MASP1: variants seen among roughly 807,000 people sequenced by gnomAD.
The protein encoded by MASP1 is mannan-binding lectin serine protease 1.
A neutral mutation model predicts 77.1 loss-of-function variants in MASP1; 59 were observed. The ratio of observed to expected loss-of-function variants is 0.77; its 90% CI spans 0.62 to 0.95. MASP1 has a LOEUF of 0.95. Among genes scored for constraint, MASP1 ranks in the 40% least tolerant of loss-of-function variants. The pLI, the probability that MASP1 is intolerant of heterozygous loss-of-function variation, is 0.00. For synonymous variants in MASP1, 362 were observed against 354.5 expected, an observed-to-expected ratio of 1.02 and a Z score of -0.24; for missense variants, 885 against 912.9, an observed-to-expected ratio of 0.97 and a Z score of 0.39.
chr3:187,225,394 C>A lies in MASP1; in HGVS notation c.1671G>T (p.Glu557Asp), dbSNP rs775715901. The A allele has an allele frequency of 1.9e-6, 3 of 1,614,018 alleles. No individual in the cohort carries two copies. The highest frequency in any genetic ancestry group is 1.7e-4 in the Middle Eastern group (1 of 6,020). ...CATTCAGCACTGGGCTCTCCAACAG[C>A]TCCACCAGAGCCACGTCATTCTCGA... Residue 557 changes from glutamate to aspartate, a missense_variant, in exon 13 of 16, where the codon GAG becomes GAT. Glu to Asp is a conservative substitution (Grantham distance 45, BLOSUM62 2). Transcript: ENST00000337774.
chr3:187,283,723 C>G (rs1717615724), intron 2 of MASP1, among the ~76,000 whole-genome samples: 1 of 152,210 alleles, frequency 6.6e-6, no homozygotes, highest in African/African-American at 2.4e-5. Context: ...AAGTTCATAT[C>G]TAGCCTTGTC....
intron 2 of MASP1, among the ~76,000 whole-genome samples, chr3:187,270,015 C>A (rs928749629): frequency 2.0e-5 from 3 of 152,160 alleles, no homozygotes; most frequent in Non-Finnish European, 4.4e-5. Flanking sequence ...TTATTTTGTC[C>A]CTAAGATAGA....
Position 187,224,148 on chromosome 3 carries a change from T to A in MASP1, c.1742-954A>T, listed in dbSNP as rs989287420. 7.2e-5 allele frequency among the ~76,000 whole-genome samples: 11 copies of A among 152,248 alleles called. No individual in the cohort carries two copies. The South Asian group carries it at 8.3e-4, about 11-fold the overall frequency. On this transcript the variant is annotated intron_variant, in intron 13 of 15. Transcript: ENST00000337774. ...TGATGTGGCACCACTGAAATTAGAA[T>A]GAAAAGGAAGCCAGCTGACATGGGT...
chr3:187,266,005 C>A (rs1715989858), intron 2 of MASP1, among the ~76,000 whole-genome samples: 1 of 152,148 alleles, frequency 6.6e-6, no homozygotes, highest in African/African-American at 2.4e-5. Flanking sequence ...TGAGTATAGG[C>A]AGATTGAGAC....
At chr3:187,267,858 A>T (rs1716170902) in intron 2 of MASP1, among the ~76,000 whole-genome samples, 1 of 152,136 alleles carries the variant, frequency 6.6e-6, no homozygotes, top group Non-Finnish European at 1.5e-5. Context: ...CTTTTCTCTA[A>T]TCCTTTAAAT....
At chr3:187,221,304 G>A (rs1406346845) in intron 14 of MASP1, among the ~76,000 whole-genome samples, 1 of 152,212 alleles carries the variant, frequency 6.6e-6, no homozygotes, top group Non-Finnish European at 1.5e-5. Flanking sequence ...GTTGAATGGA[G>A]AATCAGGAGG....
chr3:187,240,150 C>T (rs546867205), intron 10 of MASP1, among the ~76,000 whole-genome samples: 1 of 116,998 alleles, frequency 8.5e-6, no homozygotes, highest in African/African-American at 3.4e-5. Context: ...CCTATAACCT[C>T]TTTTTCTGTG....
At chr3:187,273,970 G>A (rs9856175) in intron 2 of MASP1, among the ~76,000 whole-genome samples, 17,485 of 152,212 alleles carry the variant, frequency 0.11, 1,345 homozygotes, top group African/African-American at 0.22. Context: ...TGCATTTTGG[G>A]AGGCCGAGGT....
chr3:187,218,797 C>T (rs930618884), exon 16 of MASP1: 5 of 152,314 alleles, frequency 3.3e-5, no homozygotes, highest in African/African-American at 9.7e-5. Context: ...TCTCTAGAAG[C>T]TTCCTGAGAG....
chr3:187,225,244 A>C, intron 13 of MASP1: 1 of 1,511,836 alleles, frequency 6.6e-7, no homozygotes, highest in Non-Finnish European at 9.2e-7. Context: ...CTTAATTGGC[A>C]CCAGAGCTTC....
At chr3:187,255,619 C>G (rs756871677) in intron 5 of MASP1, among the ~76,000 whole-genome samples, 6 of 152,230 alleles carry the variant, frequency 3.9e-5, no homozygotes, top group Admixed American at 1.3e-4. Flanking sequence ...TGCTAACCCC[C>G]TCCAGTCAAG....
chr3:187,220,498 T>TC (rs1321369873), intron 15 of MASP1, among the ~76,000 whole-genome samples: 2 of 139,942 alleles, frequency 1.4e-5, no homozygotes, highest in African/African-American at 2.7e-5. Flanking sequence ...TTTTCTTTCT[T>TC]TTTTTTTTTT....
At chr3:187,281,119 C>T (rs1350501627) in intron 2 of MASP1, among the ~76,000 whole-genome samples, 4 of 152,230 alleles carry the variant, frequency 2.6e-5, no homozygotes, top group Admixed American at 6.5e-5. Flanking sequence ...ATGCCTCATC[C>T]GTACACTACA....
chr3:187,263,605 A>T (rs1715786249), intron 2 of MASP1, among the ~76,000 whole-genome samples: 1 of 152,202 alleles, frequency 6.6e-6, no homozygotes, highest in Non-Finnish European at 1.5e-5. Flanking sequence ...ATGAAAACTA[A>T]TGTTTAATAG....
intron 8 of MASP1, 47 bp from the exon 9 acceptor site, chr3:187,243,668 C>T: frequency 6.2e-7 from 1 of 1,610,608 alleles, no homozygotes; most frequent in East Asian, 2.2e-5. Flanking sequence ...TGCTCATCCT[C>T]CTTTGGCTAT....
intron 13 of MASP1, among the ~76,000 whole-genome samples, chr3:187,224,609 G>A (rs2108501582): frequency 6.6e-6 from 1 of 152,154 alleles, no homozygotes; most frequent in Middle Eastern, 3.4e-3. Context: ...GCCTCCCAAA[G>A]TGCTGGGATT....
chr3:187,247,373 T>C (rs760321912), intron 8 of MASP1: 2 of 1,613,952 alleles, frequency 1.2e-6, no homozygotes, highest in South Asian at 2.2e-5. Flanking sequence ...GCTCTCCAGA[T>C]CGATTTCATT....
chr3:187,240,072 C>G (rs187513008), intron 10 of MASP1, among the ~76,000 whole-genome samples: 1 of 151,876 alleles, frequency 6.6e-6, no homozygotes, highest in Non-Finnish European at 1.5e-5. Flanking sequence ...TGCCTGCCAC[C>G]GTGTAAGATG....
chr3:187,234,852 T>G lies in MASP1; in HGVS notation c.*832A>C. ...ATAATACATTTCAAGGCTGAAAGAT[T>G]GCTTTGTGCTTGTCTGGAGCAGCAG... On this transcript the variant is annotated 3_prime_UTR_variant, in exon 11 of 11. Coordinates refer to ENST00000296280, the MANE Select transcript of MASP1 (RefSeq NM_139125.4). 7.8e-7 allele frequency: 1 copy of G among 1,287,280 alleles called. No homozygotes were observed. Among genetic ancestry groups the G allele is most frequent in the Non-Finnish European group, 1.0e-6 (1 of 988,702 alleles). The allele number at this position is 1,287,280 out of a possible 1,614,324, so 79.7% of individuals were successfully genotyped here.
Sources: allele counts gnomAD v4.1 joint callset (sites outside exome capture counted in the v4.1 genomes callset), GRCh38; gene constraint gnomAD v4.1.1; transcripts MANE v1.5; gene names NCBI Gene and HGNC (gene_info 2026-07-23, HGNC 2026-07-21).